The following PPFIBP2 variants were observed in gnomAD, a reference collection of about 807,000 sequenced individuals.
The protein encoded by PPFIBP2 is liprin-beta-2.
A neutral mutation model predicts 118.3 loss-of-function variants in PPFIBP2; 118 were observed. That is an observed-to-expected ratio of 1.00 (90% CI 0.86 to 1.16). The LOEUF is 1.16. Among genes scored for constraint, PPFIBP2 ranks in the 50% most tolerant of loss-of-function variants. PPFIBP2 has a pLI of 0.00. For missense variants in PPFIBP2, 1,195 were observed against 1,073.1 expected (o/e 1.11, Z -1.59); for synonymous variants, 414 against 397.4 (o/e 1.04, Z -0.50).
At chr11:7,538,798 C>A (rs1209177747) in intron 1 of PPFIBP2, among the ~76,000 whole-genome samples, 1 of 152,142 alleles carries the variant, frequency 6.6e-6, no homozygotes, top group Non-Finnish European at 1.5e-5. Flanking sequence ...TGCATTCATC[C>A]CCTGCCACCA....
chr11:7,533,123 T>G (rs985115777), intron 1 of PPFIBP2, among the ~76,000 whole-genome samples: 1 of 152,146 alleles, frequency 6.6e-6, no homozygotes, highest in Non-Finnish European at 1.5e-5. Context: ...AGTGACATCC[T>G]TTTTTCTCAT....
intron 3 of PPFIBP2, among the ~76,000 whole-genome samples, chr11:7,569,684 G>C (rs557528082): frequency 1.3e-4 from 20 of 152,306 alleles, no homozygotes; most frequent in African/African-American, 4.6e-4. Context: ...TGGTGCAGCA[G>C]AGCAGTGTTA....
downstream of PPFIBP2, among the ~76,000 whole-genome samples, chr11:7,660,606 C>A (rs1377351864): frequency 6.7e-6 from 1 of 149,926 alleles, no homozygotes; most frequent in East Asian, 1.9e-4. Flanking sequence ...GTCTAAAATT[C>A]TCTTTTTTTG....
At chr11:7,657,210 TTCTGTAGAGACTGTGTTTTGTGAAATGG>T (rs1291597767), downstream of PPFIBP2, 1 of 194,630 alleles carries the variant, frequency 5.1e-6, no homozygotes, top group African/African-American at 2.3e-5. Context: ...GTTTTGAATG[TTCTGTAGAGACTGTGTTTTGTGAAATGG>T]TCACCAGGAG....
chr11:7,629,193 A>G (rs1171738295), intron 9 of PPFIBP2, among the ~76,000 whole-genome samples: 1 of 152,178 alleles, frequency 6.6e-6, no homozygotes, highest in African/African-American at 2.4e-5. Context: ...GGAGACAGTG[A>G]GTTTCGTGCT....
chr11:7,592,217 C>T (rs910335063), intron 3 of PPFIBP2, among the ~76,000 whole-genome samples: 1 of 152,052 alleles, frequency 6.6e-6, no homozygotes, highest in Non-Finnish European at 1.5e-5. Context: ...CTTCCATTTG[C>T]ATGGAGGAAG....
chr11:7,651,053 ACG>A, intron 22 of PPFIBP2, 88 bp downstream of exon 22: 4 of 1,399,426 alleles, frequency 2.9e-6, no homozygotes, highest in Admixed American at 2.2e-5. Flanking sequence ...ACAAAAGCTA[ACG>A]AAAAAAAATA....
intron 3 of PPFIBP2, chr11:7,577,622 T>G: frequency 2.2e-6 from 1 of 456,390 alleles, no homozygotes; most frequent in South Asian, 1.5e-5. Flanking sequence ...TACAAGCATT[T>G]CTCGTGGCTG....
In PPFIBP2 at chr11:7,519,811, C is replaced by T. The variant is rs116135795; in HGVS notation, c.-37+5690C>T. Among the ~76,000 whole-genome samples the T allele has an allele frequency of 6.0e-3, 911 of 152,276 alleles. 6 individuals carry two copies. Among genetic ancestry groups the T allele is most frequent in the African/African-American group, 0.021 (862 of 41,546 alleles). On this transcript the variant is annotated intron_variant, in intron 1 of 23. Transcript: ENST00000299492. ...AGATGATCAGCGAGTGCCTGGCACA[C>T]GCTGGAGCCTTTTTGGACCAACGTT... is the stretch of plus-strand genomic sequence containing the variant.
At chr11:7,539,731 T>A (rs964637841) in intron 1 of PPFIBP2, among the ~76,000 whole-genome samples, 6 of 151,908 alleles carry the variant, frequency 3.9e-5, no homozygotes, top group African/African-American at 1.2e-4. Context: ...TGGGAGAGGA[T>A]CCTTGGAGAT....
rs4402283 is a variant in PPFIBP2 at position 7,642,495 on chromosome 11, T to G, written c.1646+69T>G. ...AGAAGTATCTCCCTTCAAACCTGCA[T>G]GGGTGAATCTTTACTCCTGTGTTTT... On this transcript the variant is annotated intron_variant, in intron 17 of 23. Transcript: ENST00000299492. 16 of 1,515,834 alleles carry G rather than the reference T, an allele frequency of 1.1e-5. No individual in the cohort carries two copies. The African/African-American group carries it at 2.1e-4, about 20-fold the overall frequency. 93.9% of individuals were successfully genotyped at this position (1,515,834 alleles called of 1,614,324 possible). A position where few individuals can be genotyped will look rare whatever the true frequency, so the allele number is the denominator to read the frequency against.
intron 5 of PPFIBP2, chr11:7,605,896 GAA>G: frequency 6.6e-7 from 1 of 1,506,086 alleles, no homozygotes; most frequent in Non-Finnish European, 8.8e-7. Flanking sequence ...GAAGCTGAAC[GAA>G]ATGGAAAGCA....
intron 1 of PPFIBP2, among the ~76,000 whole-genome samples, chr11:7,534,228 A>T (rs1348449107): frequency 6.6e-6 from 1 of 152,228 alleles, no homozygotes; most frequent in African/African-American, 2.4e-5. Context: ...AAAAGTCCAC[A>T]TCCCCAGGTG....
intron 14 of PPFIBP2, among the ~76,000 whole-genome samples, chr11:7,637,118 C>T (rs1306571547): frequency 4.6e-5 from 7 of 152,224 alleles, no homozygotes; most frequent in Non-Finnish European, 5.9e-5. Context: ...ATTTAAGTCC[C>T]TCATGCCCTC....
chr11:7,636,026 A>AAGCCTAAT (rs1367524137), intron 14 of PPFIBP2, among the ~76,000 whole-genome samples: 12 of 152,130 alleles, frequency 7.9e-5, no homozygotes. Flanking sequence ...ATTAGGACTG[A>AAGCCTAAT]TCTTCTCCAG....
At chr11:7,666,493 C>G in the PPFIBP2 span, 5 of 1,613,566 alleles carry the variant, frequency 3.1e-6, no homozygotes, top group Non-Finnish European at 4.2e-6. Context: ...TTGAACTGGT[C>G]TGGGTGAGTC....
chr11:7,660,637 G>C (rs1282088164), downstream of PPFIBP2, among the ~76,000 whole-genome samples: 1 of 144,928 alleles, frequency 6.9e-6, no homozygotes, highest in African/African-American at 2.5e-5. Flanking sequence ...GCCAGGTTTT[G>C]GTATCAGAAT....
At chr11:7,662,899 C>T in the PPFIBP2 span, among the ~76,000 whole-genome samples, 1 of 139,524 alleles carries the variant, frequency 7.2e-6, no homozygotes, top group African/African-American at 2.5e-5. Context: ...TCTTTTATTT[C>T]ATCTTCCATC....
chr11:7,665,775 C>T, the PPFIBP2 span: 5 of 1,441,602 alleles, frequency 3.5e-6, no homozygotes, highest in East Asian at 2.5e-5. Flanking sequence ...AGCCCTGCTG[C>T]TGTCTGTCAG....
Sources: gnomAD v4.1 joint callset for allele counts (sites outside exome capture counted in the v4.1 genomes callset) on GRCh38, gnomAD v4.1.1 for gene constraint, MANE v1.5 for transcripts, NCBI Gene and HGNC (gene_info 2026-07-23, HGNC 2026-07-21) for gene names.